The following CEP250 variants were observed in gnomAD, a reference collection of about 807,000 sequenced individuals.
CEP250 encodes the protein centrosomal protein 250.
Under a neutral mutation model 315.7 loss-of-function variants are expected in CEP250, and 242 were observed. The ratio of observed to expected loss-of-function variants is 0.77; its 90% confidence interval spans 0.69 to 0.85. The LOEUF is 0.85. Among genes scored for constraint, CEP250 ranks in the 40% least tolerant of loss-of-function variants. The pLI is 0.00. For synonymous variants in CEP250, 1,088 were observed against 1,175.0 expected, an observed-to-expected ratio of 0.93 and a Z score of 1.51; for missense variants, 2,515 against 2,886.4, an observed-to-expected ratio of 0.87 and a Z score of 2.95.
At position 35,455,736 on chromosome 20, in the gene CEP250, G is replaced by C. The variant is rs1282388782; in HGVS notation, c.-313G>C. 1 of 152,166 alleles carries C rather than the reference G, an allele frequency of 6.6e-6. No homozygotes were observed. Among genetic ancestry groups the C allele is most frequent in the Non-Finnish European group, 1.5e-5 (1 of 68,040 alleles). The allele number at this position is 152,166 out of a possible 1,614,324, so 9.4% of individuals were successfully genotyped here. On this transcript the variant is annotated 5_prime_UTR_variant, in exon 1 of 35. Transcript: ENST00000397527. The stretch of plus-strand genomic sequence containing the variant: ...CGCTGTGCACCGAGTTACTTTCCCG[G>C]CCCCTCGTTGACACCGTAAGCTCGT...
rs373024404 is a variant in CEP250, at chr20:35,502,785, A to G, written c.4416A>G (p.Val1472=). The G allele has an allele frequency of 5.6e-6, 9 of 1,614,252 alleles. No individual in the cohort carries two copies. The highest frequency in any genetic ancestry group is 7.6e-6 in the Non-Finnish European group (9 of 1,180,042). ...SLDLKKRNQE[V]DLQQEQIQEL... is the part of the protein sequence containing the mutation. ...ACCTGAAGAAGAGGAACCAAGAGGT[A>G]GATCTGCAGCAAGAACAGATTCAGG... Residue 1472 remains valine (V), a synonymous_variant, in exon 30 of 35, where the codon GTA becomes GTG. Transcript: ENST00000397527.
chr20:35,480,411 A>G (rs939765068), intron 20 of CEP250, among the ~76,000 whole-genome samples: 17 of 152,084 alleles, frequency 1.1e-4, no homozygotes, highest in Non-Finnish European at 2.2e-4. Flanking sequence ...ATTTAGGATT[A>G]TTAAACTGGC....
chr20:35,494,369 A>T, intron 23 of CEP250, 155 bp from the exon 24 acceptor site: 1 of 948,986 alleles, frequency 1.1e-6, no homozygotes, highest in Non-Finnish European at 1.6e-6. Flanking sequence ...GGGGGTGGTT[A>T]AGAACAGTGT....
At position 35,501,964 on chromosome 20, in the gene CEP250, C is replaced by T; in HGVS notation, c.4018C>T (p.Gln1340Ter). 6.2e-7 allele frequency: 1 copy of T among 1,611,696 alleles called. No individual in the cohort carries two copies. Among genetic ancestry groups the T allele is most frequent in the South Asian group, 1.1e-5 (1 of 91,026 alleles). Residue 1340 changes from glutamine to a stop codon, truncating the protein, a stop_gained and splice_region_variant, in exon 29 of 35, where the codon CAG (glutamine) becomes TAG (stop). Transcript: ENST00000397527. LOFTEE classifies it high-confidence loss of function. ...AGCAGAGCTACAGCGAATGGAAGCC[C>T]AGGTAAAGTGGTACTGGTTTCAGGG... ...RRAELQRMEA[Q>*]GERELLQAAK...
In CEP250 at chr20:35,463,557, C is replaced by T. The variant is rs548879227; in HGVS notation, c.187-18C>T. Reference sequence around the variant, plus strand: ...GCCAGCTGTGTTCATTGCCCAGGGCCTGTTCTTTTTGCTGCAGGTGCTGCA... The same window carrying T: ...GCCAGCTGTGTTCATTGCCCAGGGCTTGTTCTTTTTGCTGCAGGTGCTGCA... On this transcript the variant is annotated intron_variant, in intron 4 of 34. Transcript: ENST00000397527. 6 of 1,600,578 alleles carry T rather than the reference C, an allele frequency of 3.7e-6. No homozygotes were observed. In the East Asian group the frequency reaches 1.4e-4, roughly 36 times the overall value.
In CEP250 at chr20:35,478,011, G is replaced by A. The variant is rs1268579163; in HGVS notation, c.2004G>A (p.Leu668=). The A allele has an allele frequency of 6.2e-7, 1 of 1,614,024 alleles. No individual in the cohort carries two copies. The highest frequency in any genetic ancestry group is 8.5e-7 in the Non-Finnish European group (1 of 1,179,934). ...AGAACACTCACCTGGAGGCTCAGCT[G>A]CAGAAAGCTGAGGAGGCTGGGGCTG... ...WEKNTHLEAQ[L]QKAEEAGAEL... Residue 668 remains leucine (L), a synonymous_variant, in exon 17 of 35, where the codon CTG becomes CTA. Transcript: ENST00000397527.
Position 35,504,290 on chromosome 20 carries a change from ATGC to A in CEP250, c.5925_5927del (p.Ala1976del), listed in dbSNP as rs1201176548. On this transcript the variant is annotated inframe_deletion, in exon 30 of 35. Coordinates refer to ENST00000397527, the MANE Select transcript of CEP250 (RefSeq NM_007186.6). ...CTGCAGGAGGCCCTTGGCAAGGCTC[ATGC>A]TGCCCTGCAGGGGAAAGAGCAGCAT... The A allele has an allele frequency of 6.3e-7, 1 of 1,588,320 alleles. No homozygotes were observed. Among genetic ancestry groups the A allele is most frequent in the African/African-American group, 1.3e-5 (1 of 74,318 alleles).
intron 25 of CEP250, among the ~76,000 whole-genome samples, chr20:35,497,262 G>C (rs527375024): frequency 6.6e-6 from 1 of 152,330 alleles, no homozygotes; most frequent in Non-Finnish European, 1.5e-5. Context: ...CTTTCTAATT[G>C]TGTGAACGTC....
In CEP250 at chr20:35,472,047, C is replaced by G. The variant is rs1252417641; in HGVS notation, c.949-3C>G. 3 of 1,577,880 alleles carry G rather than the reference C, an allele frequency of 1.9e-6. No individual in the cohort carries two copies. Among genetic ancestry groups the G allele is most frequent in the South Asian group, 1.1e-5 (1 of 90,290 alleles). On this transcript the variant is annotated splice_region_variant and splice_polypyrimidine_tract_variant and intron_variant, in intron 10 of 34. Transcript: ENST00000397527. ...CTGAGGCTCTGTTCTATTCCCTGTT[C>G]AGGAGACAAATCACACAGAATTAAT...
rs190080884 is a variant in CEP250 at position 35,512,909 on chromosome 20, C to T, written c.*1283C>T. 1.0e-3 allele frequency: 153 copies of T among 152,470 alleles called. 1 individual carries two copies. Among genetic ancestry groups the T allele is most frequent in the Non-Finnish European group, 1.4e-3 (96 of 68,174 alleles). 9.4% of individuals were successfully genotyped at this position (152,470 alleles called of 1,614,324 possible). A position where few individuals can be genotyped will look rare whatever the true frequency, so the allele number is the denominator to read the frequency against. Reference sequence around the variant, plus strand: ...GGCCATTACCTTCCTCTGGCACTCCCACCATAATCTGGAATTCCTCTTTAC... The same window carrying T: ...GGCCATTACCTTCCTCTGGCACTCCTACCATAATCTGGAATTCCTCTTTAC... On this transcript the variant is annotated 3_prime_UTR_variant, in exon 35 of 35. Transcript: ENST00000397527.
chr20:35,496,990 C>T (rs952440630), intron 25 of CEP250, among the ~76,000 whole-genome samples: 1 of 152,204 alleles, frequency 6.6e-6, no homozygotes, highest in African/African-American at 2.4e-5. Context: ...AGGCCTGGTT[C>T]CAGCACACCG....
intron 20 of CEP250, among the ~76,000 whole-genome samples, chr20:35,481,545 A>G (rs6060435): frequency 0.32 from 48,693 of 151,076 alleles, 8,676 homozygotes; most frequent in South Asian, 0.5. Context: ...TACAGTCAAT[A>G]TTTGTTCAGA....
At chr20:35,489,119 C>T (rs1029072817) in intron 20 of CEP250, among the ~76,000 whole-genome samples, 4 of 149,932 alleles carry the variant, frequency 2.7e-5, no homozygotes, top group Non-Finnish European at 5.9e-5. Context: ...ACTTGGGAGG[C>T]AGAGGTTGCA....
At chr20:35,483,378 G>A (rs2063412498) in intron 20 of CEP250, among the ~76,000 whole-genome samples, 1 of 151,056 alleles carries the variant, frequency 6.6e-6, no homozygotes, top group Non-Finnish European at 1.5e-5. Context: ...TTAGAGACAG[G>A]GTCTTGCTCT....
In CEP250 at chr20:35,491,197, C is replaced by A. The variant is rs1417814109; in HGVS notation, c.2755-15C>A. 3 of 1,610,332 alleles carry A rather than the reference C, an allele frequency of 1.9e-6. No homozygotes were observed. The highest frequency in any genetic ancestry group is 2.5e-6 in the Non-Finnish European group (3 of 1,178,842). ...TCCTGAGCCCACAAGCTGTTACCCC[C>A]CTACCCCTCCACAGATGCAGCTGGA... On this transcript the variant is annotated splice_polypyrimidine_tract_variant and intron_variant, in intron 21 of 34. Coordinates refer to ENST00000397527, the MANE Select transcript of CEP250 (RefSeq NM_007186.6).
In CEP250 at chr20:35,503,288, A is replaced by T; in HGVS notation, c.4919A>T (p.Glu1640Val). 1 of 1,614,196 alleles carries T rather than the reference A, an allele frequency of 6.2e-7. No homozygotes were observed. The highest frequency in any genetic ancestry group is 8.5e-7 in the Non-Finnish European group (1 of 1,180,022). ...GTGAAGTCTCAGCGAGAACAGATCG[A>T]GGAGCTGCAGAGGCAGAAAGAGCAT... ...QEVKSQREQIEELQRQKEHLT... is the reference protein window; with the variant it reads ...QEVKSQREQIVELQRQKEHLT... The change falls in exon 30 of 35, where the codon GAG becomes GTG. Residue 1640 changes from glutamate (E) to valine (V), a missense_variant. By Grantham distance (121) the Glu-to-Val change is moderately radical (BLOSUM62 -2). Transcript: ENST00000397527. This position sits in a 1 kb window ranked among gnomAD's most constrained non-coding sequence, Gnocchi z 4.2.
intron 9 of CEP250, among the ~76,000 whole-genome samples, chr20:35,469,378 A>G (rs944223165): frequency 6.6e-6 from 1 of 152,244 alleles, no homozygotes; most frequent in African/African-American, 2.4e-5. Context: ...CATAATAGCA[A>G]GCAGTAAGCT....
rs774295146 is a variant in CEP250, at chr20:35,497,743, A to G, written c.3331A>G (p.Lys1111Glu). The change falls in exon 26 of 35, where the codon AAG (lysine) becomes GAG (glutamate). Residue 1111 changes from lysine to glutamate, a missense_variant. By Grantham distance (56) the Lys-to-Glu change is moderately conservative (BLOSUM62 1). Transcript: ENST00000397527. ...AQMELLRQEV[K>E]EKEADFLAQE... ...GATGGAATTACTAAGGCAAGAGGTG[A>G]AGGAAAAGGAGGCTGACTTTCTGGC... is the stretch of plus-strand genomic sequence containing the variant. 1.9e-6 allele frequency: 3 copies of G among 1,556,510 alleles called. No homozygotes were observed. Among genetic ancestry groups the G allele is most frequent in the African/African-American group, 2.7e-5 (2 of 73,296 alleles).
intron 10 of CEP250, 81 bp downstream of exon 10, chr20:35,470,067 ACCAGTTACATATT>A (rs2062987836): frequency 1.1e-6 from 1 of 880,474 alleles, no homozygotes; most frequent in Non-Finnish European, 1.9e-6. Context: ...AGTGCAGGAT[ACCAGTTACATATT>A]CCATGATGAA....
Sources: gnomAD v4.1 joint callset for allele counts (sites outside exome capture counted in the v4.1 genomes callset) on GRCh38, gnomAD v4.1.1 for gene constraint, Gnocchi (gnomAD v3.1) non-coding constraint, MANE v1.5 for transcripts, NCBI Gene and HGNC (gene_info 2026-07-23, HGNC 2026-07-21) for gene names.